Variants in GLRA1 observed in about 807,000 individuals in gnomAD.
GLRA1 encodes glycine receptor alpha 1.
GLRA1 carries 37 observed loss-of-function variants against 48.3 expected under a neutral mutation model. The observed-to-expected ratio is 0.77, with a 90% confidence interval of 0.59 to 1.01. The LOEUF is 1.01. Among genes scored for constraint, GLRA1 ranks in the 50% least tolerant of loss-of-function variants. The pLI is 0.00. For missense variants in GLRA1, 427 were observed against 571.0 expected (o/e 0.75, Z 2.57); for synonymous variants, 196 against 210.7 (o/e 0.93, Z 0.60).
intron 8 of GLRA1, among the ~76,000 whole-genome samples, chr5:151,828,701 G>A (rs1426974820): frequency 6.6e-6 from 1 of 152,180 alleles, no homozygotes; most frequent in Non-Finnish European, 1.5e-5. Flanking sequence ...TTTCTGTAGT[G>A]TTACTGTTAG....
At chr5:151,856,701 T>G (rs1417239990) in intron 4 of GLRA1, among the ~76,000 whole-genome samples, 6 of 152,008 alleles carry the variant, frequency 3.9e-5, no homozygotes, top group Non-Finnish European at 4.4e-5. Flanking sequence ...AATTTTTTTT[T>G]GTAGAGACCG....
At chr5:151,917,083 A>T (rs1198462656) in intron 1 of GLRA1, among the ~76,000 whole-genome samples, 1 of 152,152 alleles carries the variant, frequency 6.6e-6, no homozygotes, top group African/African-American at 2.4e-5. Context: ...CCACTCTATA[A>T]ACTTGAGGTA....
intron 1 of GLRA1, 60 bp downstream of exon 1, chr5:151,924,434 C>G (rs1264872000): frequency 1.2e-5 from 12 of 1,014,576 alleles, no homozygotes; most frequent in Non-Finnish European, 1.6e-6. Flanking sequence ...ACAGAGGTAG[C>G]CTCCGTACTC....
At chr5:151,871,468 G>A (rs1753482265) in intron 3 of GLRA1, among the ~76,000 whole-genome samples, 1 of 96,906 alleles carries the variant, frequency 1.0e-5, no homozygotes, top group South Asian at 3.1e-4. Context: ...TATAATTGGA[G>A]AGATGTACTA....
chr5:151,840,628 T>C (rs1393441672), intron 7 of GLRA1, among the ~76,000 whole-genome samples: 1 of 151,708 alleles, frequency 6.6e-6, no homozygotes, highest in Admixed American at 6.6e-5. Flanking sequence ...AAAGATACAC[T>C]TTAGATTCAA....
rs565769232 is a variant in GLRA1, at chr5:151,852,868, A to G, written c.698-1264T>C. Among the ~76,000 whole-genome samples the G allele has an allele frequency of 3.9e-5, 6 of 152,342 alleles. No homozygotes were observed. In the East Asian group the frequency reaches 7.7e-4, roughly 20 times the overall value. ...TTGCTGGACCATGATATATTTCTCA[A>G]TGGATGAATAGATAAAGAAAATGAA... On this transcript the variant is annotated intron_variant, in intron 6 of 8. Transcript: ENST00000274576.
intron 3 of GLRA1, among the ~76,000 whole-genome samples, chr5:151,864,371 C>G (rs1753280005): frequency 6.6e-6 from 1 of 152,214 alleles, no homozygotes; most frequent in South Asian, 2.1e-4. Flanking sequence ...CTGTCACATA[C>G]ATTTTATCCT....
intron 3 of GLRA1, among the ~76,000 whole-genome samples, chr5:151,883,958 AG>A (rs1753831435): frequency 6.6e-6 from 1 of 152,090 alleles, no homozygotes; most frequent in Non-Finnish European, 1.5e-5. Flanking sequence ...AGGGTTGTGG[AG>A]GTGGGAGTGG....
intron 4 of GLRA1, among the ~76,000 whole-genome samples, chr5:151,857,782 C>A (rs1753087293): frequency 6.6e-6 from 1 of 152,224 alleles, no homozygotes; most frequent in South Asian, 2.1e-4. Flanking sequence ...ATACAAGACT[C>A]CAGCTTGAAA....
chr5:151,893,288 CTTTCTT>C (rs1754135710), intron 1 of GLRA1, among the ~76,000 whole-genome samples: 1 of 41,212 alleles, frequency 2.4e-5, no homozygotes, highest in Non-Finnish European at 5.1e-5. Context: ...GCCCAACTTT[CTTTCTT>C]TCTTTCTTTC....
chr5:151,845,099 T>C (rs935527871), intron 7 of GLRA1, among the ~76,000 whole-genome samples: 1 of 152,198 alleles, frequency 6.6e-6, no homozygotes, highest in African/African-American at 2.4e-5. Context: ...CATAGGTGTA[T>C]TACCTGTGGC....
intron 3 of GLRA1, among the ~76,000 whole-genome samples, chr5:151,864,265 C>T (rs1753277530): frequency 6.6e-6 from 1 of 152,032 alleles, no homozygotes; most frequent in African/African-American, 2.4e-5. Context: ...ATGTTCTTGC[C>T]AGTGACATGT....
At chr5:151,910,347 A>G (rs906061435) in intron 1 of GLRA1, among the ~76,000 whole-genome samples, 2 of 152,224 alleles carry the variant, frequency 1.3e-5, no homozygotes, top group South Asian at 4.1e-4. Context: ...AAAACATTCA[A>G]GTATTACAGG....
rs554455582 is a variant in GLRA1 at position 151,856,258 on chromosome 5, A to C, written c.559+43T>G. 29 of 1,367,416 alleles carry C rather than the reference A, an allele frequency of 2.1e-5. No individual in the cohort carries two copies. In the African/African-American group the frequency reaches 4.0e-4, roughly 19 times the overall value. The allele number at this position is 1,367,416 out of a possible 1,614,324, so 84.7% of individuals were successfully genotyped here. ...AATTTCTGCCTATCCCATGGGTAAA[A>C]AGGAGCCTGGTTCTTTCTAGAGGAC... On this transcript the variant is annotated intron_variant, in intron 5 of 8. Transcript: ENST00000274576.
At chr5:151,911,521 T>C (rs2113452638) in intron 1 of GLRA1, among the ~76,000 whole-genome samples, 1 of 151,590 alleles carries the variant, frequency 6.6e-6, no homozygotes, top group East Asian at 1.9e-4. Flanking sequence ...ATTTTAAAAA[T>C]AATCTTGCTC....
chr5:151,913,282 G>T (rs910777370), intron 1 of GLRA1, among the ~76,000 whole-genome samples: 1 of 152,204 alleles, frequency 6.6e-6, no homozygotes, highest in Admixed American at 6.5e-5. Context: ...ACATAGGCAG[G>T]ATTCAAAATC....
intron 3 of GLRA1, among the ~76,000 whole-genome samples, chr5:151,885,851 G>C (rs1753889974): frequency 6.6e-6 from 1 of 152,208 alleles, no homozygotes; most frequent in South Asian, 2.1e-4. Context: ...GGAAAGGCTA[G>C]TGTGGGATAA....
At chr5:151,835,855 A>G (rs547832960) in intron 7 of GLRA1, among the ~76,000 whole-genome samples, 1 of 152,370 alleles carries the variant, frequency 6.6e-6, no homozygotes. Context: ...CCAGTATCAT[A>G]TAGAATGAGC....
chr5:151,837,227 G>T (rs1230809152), intron 7 of GLRA1, among the ~76,000 whole-genome samples: 1 of 152,190 alleles, frequency 6.6e-6, no homozygotes, highest in Non-Finnish European at 1.5e-5. Context: ...ATCACCACTG[G>T]TCATTAGAGC....
Sources: allele counts gnomAD v4.1 joint callset (sites outside exome capture counted in the v4.1 genomes callset), GRCh38; gene constraint gnomAD v4.1.1; transcripts MANE v1.5; gene names NCBI Gene and HGNC (gene_info 2026-07-23, HGNC 2026-07-21).